Variants in ADGRD2 observed in about 807,000 individuals in gnomAD.
ADGRD2 encodes G protein-coupled receptor PGR24.
ADGRD2 carries 71 observed loss-of-function variants against 44.4 expected under a neutral mutation model. The observed-to-expected ratio is 1.60, with a 90% CI of 1.32 to 1.95. ADGRD2 has a LOEUF of 1.95. Ranked by LOEUF, ADGRD2 falls within the 30% of genes most tolerant of loss-of-function variation. The pLI, the probability that ADGRD2 is intolerant of heterozygous loss-of-function variation, is 0.00. For missense variants in ADGRD2, 1,039 were observed against 512.4 expected (o/e 2.03, Z -9.92); for synonymous variants, 481 against 224.8 (o/e 2.14, Z -10.19).
chr9:124,467,693 A>G, intron 11 of ADGRD2, 28 bp from the exon 15 acceptor site: 2 of 717,404 alleles, frequency 2.8e-6, no homozygotes, highest in Non-Finnish European at 5.2e-6. Context: ...GGGTGGTGCC[A>G]GGGGGGTTTC....
chr9:124,476,837 C>G (rs1201309332), intron 21 of ADGRD2, 128 bp downstream of exon 24: 5 of 681,746 alleles, frequency 7.3e-6, no homozygotes, highest in Non-Finnish European at 1.3e-5. Context: ...AGAGGCCCTC[C>G]CCTCACTCCA....
intron 10 of ADGRD2, among the ~76,000 whole-genome samples, chr9:124,459,339 C>T (rs4838180): frequency 0.67 from 102,177 of 151,880 alleles, 34,966 homozygotes; most frequent in African/African-American, 0.8. Context: ...TAAAAATACA[C>T]AAAAGTTAGC....
Position 124,464,417 on chromosome 9 carries a change from T to C in ADGRD2, c.1871-1841T>C, listed in dbSNP as rs537049581. ...CCATGCAAAGCATGGCGCTGCGTAATCTCGAGCAGGTTAACCCTCCTTTCT... is the reference window on the plus strand; with the variant it reads ...CCATGCAAAGCATGGCGCTGCGTAACCTCGAGCAGGTTAACCCTCCTTTCT... On this transcript the variant is annotated intron_variant, in intron 10 of 21. Coordinates refer to ENST00000334810, the Ensembl canonical transcript of ADGRD2. Among the ~76,000 whole-genome samples the C allele has an allele frequency of 6.5e-4, 99 of 152,332 alleles. 1 individual carries two copies. The South Asian group carries it at 0.02, about 30-fold the overall frequency.
rs1208880725 is a variant in ADGRD2 at position 124,454,698 on chromosome 9, CT to C, written c.1108+130del. 18 of 634,026 alleles carry C rather than the reference CT, an allele frequency of 2.8e-5. No homozygotes were observed. Among genetic ancestry groups the C allele is most frequent in the African/African-American group, 2.3e-4 (13 of 55,416 alleles). The allele number at this position is 634,026 out of a possible 1,614,324, so 39.3% of individuals were successfully genotyped here. The stretch of plus-strand genomic sequence containing the variant: ...CAGGAATAAAGGCCATTCAGGCTCC[CT>C]ATTCTGTAGCCCCTGAGAGTTGGCG... On this transcript the variant is annotated intron_variant, in intron 5 of 21. Transcript: ENST00000334810. This position sits in a 1 kb window ranked among gnomAD's most constrained non-coding sequence, Gnocchi z 4.5.
intron 10 of ADGRD2, chr9:124,465,193 C>A: frequency 6.5e-6 from 1 of 153,346 alleles, no homozygotes; most frequent in Non-Finnish European, 1.5e-5. Flanking sequence ...CCTGGTCTCT[C>A]TCCTTTCCCA....
intron 10 of ADGRD2, among the ~76,000 whole-genome samples, chr9:124,459,409 G>T (rs1318536210): frequency 6.6e-6 from 1 of 151,996 alleles, no homozygotes; most frequent in East Asian, 1.9e-4. Flanking sequence ...CAAGAGAACC[G>T]CCTGAACCCA....
intron 17 of ADGRD2, among the ~76,000 whole-genome samples, chr9:124,473,467 T>C (rs1426425566): frequency 6.6e-6 from 1 of 152,204 alleles, no homozygotes; most frequent in Non-Finnish European, 1.5e-5. Flanking sequence ...CATGGGATCA[T>C]CGTGGAGTTC....
intron 10 of ADGRD2, among the ~76,000 whole-genome samples, chr9:124,459,618 C>A (rs1044275344): frequency 3.9e-5 from 6 of 152,058 alleles, no homozygotes; most frequent in African/African-American, 1.4e-4. Flanking sequence ...TACTGAACAT[C>A]TATAGACTTT....
upstream of ADGRD2, chr9:124,452,012 A>G: frequency 7.8e-6 from 1 of 129,012 alleles, no homozygotes. Context: ...CCTCCCACCC[A>G]CCCCCAGAGT....
intron 6 of ADGRD2, among the ~76,000 whole-genome samples, chr9:124,456,021 G>A (rs146266356): frequency 2.2e-4 from 34 of 152,340 alleles, no homozygotes; most frequent in Middle Eastern, 6.8e-3. Flanking sequence ...GATTCACCAT[G>A]GGTAGTGAGC....
chr9:124,453,930 C>T, intron 3 of ADGRD2, 69 bp from the exon 7 acceptor site: 1 of 609,982 alleles, frequency 1.6e-6, no homozygotes, highest in Non-Finnish European at 2.9e-6. Context: ...GCCACCTAAC[C>T]CCGGGGCCGT....
At chr9:124,453,561 C>G in exon 3 of ADGRD2, 1 of 697,990 alleles carries the variant, frequency 1.4e-6, no homozygotes, top group Non-Finnish European at 2.6e-6. Context: ...CTCAGCTGCA[C>G]CGGGCACGGG....
exon 11 of ADGRD2, chr9:124,466,264 C>T: frequency 1.5e-6 from 1 of 670,904 alleles, no homozygotes; most frequent in Non-Finnish European, 2.8e-6. Context: ...CAAGAGCCCC[C>T]TGTTCCCTCC....
chr9:124,477,126 A>C, intron 21 of ADGRD2: 1 of 471,938 alleles, frequency 2.1e-6, no homozygotes, highest in African/African-American at 2.0e-5. Flanking sequence ...AGCCTTCCAA[A>C]CCCGCTGAGG....
At chr9:124,458,078 CG>C (rs879266222) in intron 8 of ADGRD2, 34 bp from the exon 12 acceptor site, 1 of 717,790 alleles carries the variant, frequency 1.4e-6, no homozygotes, top group Non-Finnish European at 2.6e-6. Context: ...GCCCAGCCAC[CG>C]GGTGGTGCCT....
intron 10 of ADGRD2, among the ~76,000 whole-genome samples, chr9:124,459,535 C>A (rs147287244): frequency 6.6e-6 from 1 of 152,072 alleles, no homozygotes; most frequent in Non-Finnish European, 1.5e-5. Context: ...GGTCAGCCCT[C>A]CATATGGGAG....
At chr9:124,451,198 A>G (rs1392488456), upstream of ADGRD2, 1 of 472,114 alleles carries the variant, frequency 2.1e-6, no homozygotes, top group Admixed American at 2.3e-5. Flanking sequence ...AGCGGTGGAC[A>G]GGTGAGGCCA....
At chr9:124,467,479 A>G (rs1831846428) in intron 11 of ADGRD2, 1 of 519,732 alleles carries the variant, frequency 1.9e-6, no homozygotes, top group South Asian at 2.8e-5. Flanking sequence ...ACTCTTAGTA[A>G]TTGTCCAGTT....
chr9:124,459,761 G>T (rs878956868), intron 10 of ADGRD2, among the ~76,000 whole-genome samples: 6 of 152,034 alleles, frequency 3.9e-5, no homozygotes, highest in African/African-American at 1.4e-4. Context: ...ATCTAGAGAT[G>T]ACTTAAAGTA....
Sources: gnomAD v4.1 joint callset for allele counts (sites outside exome capture counted in the v4.1 genomes callset) on GRCh38, gnomAD v4.1.1 for gene constraint, Gnocchi (gnomAD v3.1) non-coding constraint, MANE v1.5 for transcripts, NCBI Gene and HGNC (gene_info 2026-07-23, HGNC 2026-07-21) for gene names.